Variants in SLC25A48 observed in about 807,000 individuals in gnomAD.
SLC25A48 encodes the protein solute carrier family 25 member 48, also known as CTC-321K16.1.
SLC25A48 carries 29 observed loss-of-function variants against 32.2 expected under a neutral mutation model. The ratio of observed to expected loss-of-function variants is 0.90; its 90% confidence interval spans 0.67 to 1.23. The LOEUF (loss-of-function observed/expected upper bound fraction) is 1.23, where lower values mean the gene tolerates loss of function less well. Among genes scored for constraint, SLC25A48 ranks in the 50% most tolerant of loss-of-function variants. The probability of loss-of-function intolerance (pLI) is 0.00; values close to 1 mark genes in which losing one functional copy is unlikely to be tolerated. For missense variants in SLC25A48, 399 were observed against 422.7 expected (o/e 0.94, Z 0.49); for synonymous variants, 164 against 172.3 (o/e 0.95, Z 0.38).
intron 4 of SLC25A48, among the ~76,000 whole-genome samples, chr5:135,865,386 G>A (rs1203623367): frequency 2.0e-5 from 3 of 152,188 alleles, no homozygotes; most frequent in Admixed American, 6.5e-5. Flanking sequence ...AACCCAAACT[G>A]AGGATGTTAC....
intron 3 of SLC25A48, among the ~76,000 whole-genome samples, chr5:135,700,535 A>G (rs928413011): frequency 2.6e-5 from 4 of 152,218 alleles, no homozygotes; most frequent in Non-Finnish European, 5.9e-5. Context: ...TCTAGAGCCC[A>G]TCTCTGGGAG....
At chr5:135,666,358 T>C (rs1753524944) in intron 3 of SLC25A48, among the ~76,000 whole-genome samples, 1 of 152,216 alleles carries the variant, frequency 6.6e-6, no homozygotes, top group South Asian at 2.1e-4. Context: ...GAAATAGTGA[T>C]GCAGTTTTTC....
intron 3 of SLC25A48, among the ~76,000 whole-genome samples, chr5:135,711,262 C>G (rs897135775): frequency 6.6e-5 from 10 of 152,196 alleles, no homozygotes; most frequent in East Asian, 3.8e-4. Flanking sequence ...ATCACACAAG[C>G]AACATGCACT....
chr5:135,702,311 A>T (rs1754412110), intron 3 of SLC25A48, among the ~76,000 whole-genome samples: 1 of 152,236 alleles, frequency 6.6e-6, no homozygotes, highest in Admixed American at 6.5e-5. Flanking sequence ...CCCTATATCC[A>T]ATGACCAGTG....
intron 4 of SLC25A48, among the ~76,000 whole-genome samples, chr5:135,861,133 T>C (rs1264585504): frequency 6.6e-6 from 1 of 152,210 alleles, no homozygotes; most frequent in Non-Finnish European, 1.5e-5. Flanking sequence ...TTCCATTCTG[T>C]ATACATAGAT....
chr5:135,599,675 C>A (rs535409183), intron 1 of SLC25A48, among the ~76,000 whole-genome samples: 163 of 152,336 alleles, frequency 1.1e-3, no homozygotes, highest in Middle Eastern at 0.01. Flanking sequence ...GACCACAGAC[C>A]AGCACAAGAA....
intron 3 of SLC25A48, among the ~76,000 whole-genome samples, chr5:135,770,817 G>A (rs1483530087): frequency 6.6e-6 from 1 of 151,782 alleles, no homozygotes; most frequent in Non-Finnish European, 1.5e-5. Flanking sequence ...CCCTCCCTGT[G>A]ATATTGTTCC....
At chr5:135,835,168 C>A (rs767678585) in intron 1 of SLC25A48, 7 of 656,908 alleles carry the variant, frequency 1.1e-5, no homozygotes, top group African/African-American at 1.8e-5. Flanking sequence ...TTAAACAGCT[C>A]GTCAAAGCCC....
intron 3 of SLC25A48, among the ~76,000 whole-genome samples, chr5:135,788,497 G>T (rs77022361): frequency 0.019 from 2,784 of 149,442 alleles, 67 homozygotes; most frequent in African/African-American, 0.055. Flanking sequence ...CTTCCCATGG[G>T]GTGGGGGTGT....
chr5:135,617,118 A>G (rs1752208395), intron 1 of SLC25A48, among the ~76,000 whole-genome samples: 1 of 152,094 alleles, frequency 6.6e-6, no homozygotes, highest in South Asian at 2.1e-4. Context: ...ACATTTTATT[A>G]CTGATTGAAT....
rs144860962 is a variant in SLC25A48, at chr5:135,672,654, C to T, written c.-521+37698C>T. On this transcript the variant is annotated intron_variant, in intron 3 of 10. Coordinates refer to the SLC25A48 transcript ENST00000646290. ...TGGTCAGGTGTTCTGGAAATGAACACGTAACATCCCCTGTTTTTTTCGTAG... is the reference window on the plus strand; with the variant it reads ...TGGTCAGGTGTTCTGGAAATGAACATGTAACATCCCCTGTTTTTTTCGTAG... 1.5e-3 allele frequency among the ~76,000 whole-genome samples: 232 copies of T among 152,254 alleles called. 3 individuals carry two copies. The highest frequency in any genetic ancestry group is 4.3e-3 in the African/African-American group (180 of 41,530).
Position 135,698,295 on chromosome 5 carries a change from C to T in SLC25A48, c.-521+63339C>T, listed in dbSNP as rs144300176. ...AGTTGGTAACAATCAGCTTAGTGCC[C>T]CATGGTTGGACACAGGGAAATCAAC... is the stretch of plus-strand genomic sequence containing the variant. On this transcript the variant is annotated intron_variant, in intron 3 of 10. Coordinates refer to the SLC25A48 transcript ENST00000646290. Among the ~76,000 whole-genome samples the T allele has an allele frequency of 1.8e-4, 27 of 152,236 alleles. No individual in the cohort carries two copies. In the East Asian group the frequency reaches 4.4e-3, roughly 25 times the overall value.
intron 3 of SLC25A48, among the ~76,000 whole-genome samples, chr5:135,646,293 C>G (rs1467290537): frequency 2.0e-5 from 3 of 152,080 alleles, no homozygotes; most frequent in Non-Finnish European, 2.9e-5. Flanking sequence ...TCAGGAGACC[C>G]AGCATGTGTT....
At chr5:135,771,818 G>A (rs77047330) in intron 3 of SLC25A48, among the ~76,000 whole-genome samples, 1 of 150,966 alleles carries the variant, frequency 6.6e-6, no homozygotes, top group Admixed American at 6.6e-5. Context: ...TTAGGGGGGG[G>A]AGAACATAAT....
At chr5:135,702,072 C>T (rs1354024022) in intron 3 of SLC25A48, among the ~76,000 whole-genome samples, 3 of 152,180 alleles carry the variant, frequency 2.0e-5, no homozygotes, top group South Asian at 2.1e-4. Context: ...GAAATCATAG[C>T]AATTGCAGGG....
intron 3 of SLC25A48, among the ~76,000 whole-genome samples, chr5:135,722,478 C>T (rs2126983965): frequency 6.6e-6 from 1 of 152,334 alleles, no homozygotes; most frequent in East Asian, 1.9e-4. Flanking sequence ...TTTTCAGACA[C>T]CTTGCCACGT....
At chr5:135,610,456 A>G (rs1288142916) in intron 1 of SLC25A48, among the ~76,000 whole-genome samples, 2 of 152,338 alleles carry the variant, frequency 1.3e-5, no homozygotes, top group African/African-American at 4.8e-5. Flanking sequence ...AACATATATA[A>G]CAAATATTTA....
chr5:135,818,386 C>A (rs923267797), intron 4 of SLC25A48, among the ~76,000 whole-genome samples: 1 of 152,126 alleles, frequency 6.6e-6, no homozygotes, highest in African/African-American at 2.4e-5. Flanking sequence ...TGGGATAGAT[C>A]TAAACCAGAA....
At chr5:135,598,522 G>T (rs1751712411) in intron 1 of SLC25A48, among the ~76,000 whole-genome samples, 1 of 152,208 alleles carries the variant, frequency 6.6e-6, no homozygotes. Flanking sequence ...ATAAAGGGTT[G>T]CAGCCTGCAG....
Sources: allele counts gnomAD v4.1 joint callset (sites outside exome capture counted in the v4.1 genomes callset), GRCh38; gene constraint gnomAD v4.1.1; transcripts MANE v1.5; gene names NCBI Gene and HGNC (gene_info 2026-07-23, HGNC 2026-07-21).